SYN3: variants seen among roughly 807,000 people sequenced by gnomAD.
SYN3 encodes synapsin-3.
Under a neutral mutation model 65.8 loss-of-function variants are expected in SYN3, and 35 were observed. That is an observed-to-expected ratio of 0.53 (90% confidence interval 0.41 to 0.70). The LOEUF is 0.70. Among genes scored for constraint, SYN3 ranks in the 30% least tolerant of loss-of-function variants. The pLI, the probability that SYN3 is intolerant of heterozygous loss-of-function variation, is 0.00. For synonymous variants in SYN3, 270 were observed against 292.9 expected (o/e 0.92, Z 0.80); for missense variants, 680 against 749.0 (o/e 0.91, Z 1.08).
At position 32,840,471 on chromosome 22, in the gene SYN3, C is replaced by A. The variant is rs1025005151; in HGVS notation, c.711+24444G>T. Among the ~76,000 whole-genome samples, 8 of 152,172 alleles carry A rather than the reference C, an allele frequency of 5.3e-5. No homozygotes were observed. In the East Asian group the frequency reaches 1.6e-3, roughly 30 times the overall value. On this transcript the variant is annotated intron_variant, in intron 6 of 13. Transcript: ENST00000358763. ...GGGACTTCTCTGAAGAGAGAGAGTT[C>A]CTCTTCACTCAGGCTGCTCGCCGCT...
At chr22:32,575,227 A>G (rs960631916) in intron 7 of SYN3, among the ~76,000 whole-genome samples, 4 of 152,258 alleles carry the variant, frequency 2.6e-5, no homozygotes, top group African/African-American at 9.6e-5. Flanking sequence ...TCAAAGTCAA[A>G]AGAGCAAAGC....
intron 6 of SYN3, among the ~76,000 whole-genome samples, chr22:32,610,770 C>T (rs796508462): frequency 2.6e-5 from 4 of 152,132 alleles, no homozygotes; most frequent in African/African-American, 7.2e-5. Context: ...TTAGTAGAGA[C>T]GGGTTTTCTC....
At chr22:32,869,621 G>C (rs143277232) in intron 4 of SYN3, among the ~76,000 whole-genome samples, 11 of 151,470 alleles carry the variant, frequency 7.3e-5, no homozygotes, top group Admixed American at 3.3e-4. Context: ...AGGCAGCAGG[G>C]CCAGGTCTGT....
chr22:32,963,202 A>G (rs2051715233), intron 3 of SYN3, among the ~76,000 whole-genome samples: 1 of 148,252 alleles, frequency 6.7e-6, no homozygotes, highest in Non-Finnish European at 1.5e-5. Flanking sequence ...TCAGCCTCCG[A>G]GCAGCTAGGA....
intron 7 of SYN3, among the ~76,000 whole-genome samples, chr22:32,593,063 G>A (rs2059149800): frequency 1.3e-5 from 2 of 152,192 alleles, no homozygotes; most frequent in African/African-American, 4.8e-5. Flanking sequence ...ACTCCCAAGA[G>A]AAGGTAAACG....
chr22:32,943,214 C>A (rs964779375), intron 3 of SYN3, among the ~76,000 whole-genome samples: 1 of 152,186 alleles, frequency 6.6e-6, no homozygotes, highest in Non-Finnish European at 1.5e-5. Flanking sequence ...GGGTTACCCA[C>A]AAAGGGAAGC....
Position 32,973,420 on chromosome 22 carries a change from C to T in SYN3, c.369+7225G>A, listed in dbSNP as rs199926287. 1.5e-4 allele frequency among the ~76,000 whole-genome samples: 23 copies of T among 152,112 alleles called. No individual in the cohort carries two copies. In the East Asian group the frequency reaches 4.3e-3, roughly 28 times the overall value. On this transcript the variant is annotated intron_variant, in intron 3 of 13. Coordinates refer to ENST00000358763, the MANE Select transcript of SYN3 (RefSeq NM_003490.4). ...TATTTGAATATACTACTTTTACCCC[C>T]GCCAAAAAAGAAAAAGATTAATAAA...
intron 6 of SYN3, among the ~76,000 whole-genome samples, chr22:32,720,284 C>T (rs1232009124): frequency 1.3e-5 from 2 of 152,146 alleles, no homozygotes; most frequent in African/African-American, 2.4e-5. Flanking sequence ...TGCTCTGTTG[C>T]GTCTAAGGCC....
At chr22:32,979,234 G>T (rs548877693) in intron 3 of SYN3, among the ~76,000 whole-genome samples, 4 of 151,330 alleles carry the variant, frequency 2.6e-5, no homozygotes, top group Non-Finnish European at 5.9e-5. Flanking sequence ...AAAAGACTTA[G>T]CTCACCTCTC....
At chr22:32,646,623 G>C (rs556188932) in intron 6 of SYN3, among the ~76,000 whole-genome samples, 1 of 152,332 alleles carries the variant, frequency 6.6e-6, no homozygotes, top group African/African-American at 2.4e-5. Context: ...TGCAAATACA[G>C]CGTTATGGGA....
At chr22:32,777,448 G>A (rs913502918) in intron 6 of SYN3, among the ~76,000 whole-genome samples, 2 of 151,948 alleles carry the variant, frequency 1.3e-5, no homozygotes, top group African/African-American at 4.8e-5. Flanking sequence ...TCCTGACTCG[G>A]TGCAATATTG....
chr22:32,777,309 G>A (rs2045930963), intron 6 of SYN3, among the ~76,000 whole-genome samples: 1 of 152,058 alleles, frequency 6.6e-6, no homozygotes, highest in South Asian at 2.1e-4. Flanking sequence ...TTTCTGGTTG[G>A]GAGAATCCTA....
intron 6 of SYN3, among the ~76,000 whole-genome samples, chr22:32,616,290 C>G (rs1413999585): frequency 2.6e-5 from 4 of 152,122 alleles, no homozygotes; most frequent in Admixed American, 2.0e-4. Context: ...GGCCCAGGAC[C>G]AGCCAGGAAA....
chr22:33,015,779 T>C (rs950668414), intron 1 of SYN3, among the ~76,000 whole-genome samples: 3 of 152,168 alleles, frequency 2.0e-5, no homozygotes, highest in South Asian at 4.1e-4. Context: ...TATTTTTAGC[T>C]TATTTTTCCA....
chr22:32,620,928 C>A (rs1383528510), intron 6 of SYN3, among the ~76,000 whole-genome samples: 2 of 126,212 alleles, frequency 1.6e-5, no homozygotes, highest in East Asian at 4.3e-4. Flanking sequence ...CCATATTGGC[C>A]AGGCTGGTCT....
chr22:32,585,626 G>A (rs1333366592), intron 7 of SYN3, among the ~76,000 whole-genome samples: 1 of 152,166 alleles, frequency 6.6e-6, no homozygotes, highest in Non-Finnish European at 1.5e-5. Context: ...AGATGCAGGA[G>A]GTGGCAGAGG....
chr22:32,529,085 G>C, intron 10 of SYN3, 77 bp from the exon 11 acceptor site: 1 of 1,571,314 alleles, frequency 6.4e-7, no homozygotes, highest in Non-Finnish European at 8.7e-7. Flanking sequence ...CCAGAAGTGG[G>C]GGCTCAGGGC....
intron 7 of SYN3, among the ~76,000 whole-genome samples, chr22:32,564,180 A>G (rs887797373): frequency 6.6e-6 from 1 of 152,186 alleles, no homozygotes; most frequent in Non-Finnish European, 1.5e-5. Flanking sequence ...CACAGGACTC[A>G]ATCATGGAGT....
At chr22:32,819,895 C>G (rs1036190301) in intron 6 of SYN3, among the ~76,000 whole-genome samples, 1 of 152,200 alleles carries the variant, frequency 6.6e-6, no homozygotes, top group Non-Finnish European at 1.5e-5. Flanking sequence ...TCCTGTTCTG[C>G]GCATGGGCCC....
Sources: gnomAD v4.1 joint callset for allele counts (sites outside exome capture counted in the v4.1 genomes callset) on GRCh38, gnomAD v4.1.1 for gene constraint, MANE v1.5 for transcripts, NCBI Gene and HGNC (gene_info 2026-07-23, HGNC 2026-07-21) for gene names.